Variants in RNF150 observed in about 807,000 individuals in gnomAD.
RNF150 encodes the protein ring finger protein 150.
RNF150 carries 24 observed loss-of-function variants against 39.3 expected under a neutral mutation model. That is an observed-to-expected ratio of 0.61 (90% CI 0.44 to 0.86). The LOEUF is 0.86. RNF150 is among the 40% of genes least tolerant of loss of function. The pLI, the probability that RNF150 is intolerant of heterozygous loss-of-function variation, is 0.00. For synonymous variants in RNF150, 255 were observed against 227.3 expected (o/e 1.12, Z -1.10); for missense variants, 502 against 587.8 (o/e 0.85, Z 1.51).
Position 140,860,221 on chromosome 4 carries a change from A to T in RNF150, c.*8040T>A, listed in dbSNP as rs2111157243. Reference sequence around the variant, plus strand: ...GTAGGGTAGGTGCCTGAGGTGGGGAAGAAGGAAAGAAATTTATACAGAAAA... The same window carrying T: ...GTAGGGTAGGTGCCTGAGGTGGGGATGAAGGAAAGAAATTTATACAGAAAA... On this transcript the variant is annotated 3_prime_UTR_variant, in exon 7 of 7. Coordinates refer to ENST00000515673, the MANE Select transcript of RNF150 (RefSeq NM_020724.2). 1 of 152,078 alleles carries T rather than the reference A, an allele frequency of 6.6e-6. No individual in the cohort carries two copies. The highest frequency in any genetic ancestry group is 1.5e-5 in the Non-Finnish European group (1 of 68,000). The allele number at this position is 152,078 out of a possible 1,614,324, so 9.4% of individuals were successfully genotyped here. A position where few individuals can be genotyped will look rare whatever the true frequency, so the allele number is the denominator to read the frequency against.
chr4:141,047,122 G>A (rs1736608108), intron 1 of RNF150, among the ~76,000 whole-genome samples: 1 of 152,080 alleles, frequency 6.6e-6, no homozygotes, highest in African/African-American at 2.4e-5. Context: ...TAATGCACAT[G>A]TGTGTATGTG....
At chr4:140,947,034 G>T (rs1030399374) in intron 4 of RNF150, among the ~76,000 whole-genome samples, 2 of 152,016 alleles carry the variant, frequency 1.3e-5, no homozygotes, top group Non-Finnish European at 1.5e-5. Flanking sequence ...ACTTCTCAGT[G>T]AATTTCAATT....
chr4:141,009,165 T>C (rs1004358219), intron 1 of RNF150, among the ~76,000 whole-genome samples: 3 of 152,148 alleles, frequency 2.0e-5, no homozygotes, highest in Non-Finnish European at 4.4e-5. Flanking sequence ...ATGAAACAAA[T>C]TGATCTAATC....
chr4:140,965,208 G>C (rs182515543), intron 2 of RNF150, among the ~76,000 whole-genome samples: 1 of 152,078 alleles, frequency 6.6e-6, no homozygotes, highest in Admixed American at 6.6e-5. Context: ...ACACCTGTTA[G>C]GACGTCTATC....
intron 6 of RNF150, among the ~76,000 whole-genome samples, chr4:140,906,155 G>C (rs189767459): frequency 4.7e-4 from 71 of 152,090 alleles, no homozygotes; most frequent in African/African-American, 1.6e-3. Context: ...AAAAATCTTG[G>C]GCCTGCTAGA....
intron 1 of RNF150, among the ~76,000 whole-genome samples, chr4:141,163,645 C>T (rs1188224938): frequency 6.6e-6 from 1 of 152,220 alleles, no homozygotes; most frequent in Admixed American, 6.5e-5. Context: ...GCCACTGCTG[C>T]TGATACCCAG....
At chr4:141,129,083 T>C (rs1281235314) in intron 1 of RNF150, among the ~76,000 whole-genome samples, 1 of 152,156 alleles carries the variant, frequency 6.6e-6, no homozygotes, top group East Asian at 1.9e-4. Flanking sequence ...GATTAAATCA[T>C]AGAGTTGCCA....
At chr4:140,986,129 A>C (rs1734006807) in intron 1 of RNF150, among the ~76,000 whole-genome samples, 2 of 152,128 alleles carry the variant, frequency 1.3e-5, no homozygotes, top group Admixed American at 1.3e-4. Context: ...TAGATTACTT[A>C]TATTAAATTA....
intron 6 of RNF150, among the ~76,000 whole-genome samples, chr4:140,890,749 G>A (rs1368233573): frequency 1.3e-5 from 2 of 152,176 alleles, no homozygotes; most frequent in South Asian, 4.1e-4. Context: ...AAGCCACCAG[G>A]TCTATGTTAT....
At chr4:141,090,359 C>T (rs6836846) in intron 1 of RNF150, among the ~76,000 whole-genome samples, 115,006 of 151,980 alleles carry the variant, frequency 0.76, 44,259 homozygotes, top group East Asian at 1. Context: ...ACTAATATGG[C>T]GGATAACTAA....
At chr4:141,072,207 G>T (rs1344972699) in intron 1 of RNF150, among the ~76,000 whole-genome samples, 1 of 152,074 alleles carries the variant, frequency 6.6e-6, no homozygotes, top group Non-Finnish European at 1.5e-5. Flanking sequence ...ATTGCAACAG[G>T]TTAAGTGTTT....
intron 2 of RNF150, among the ~76,000 whole-genome samples, chr4:140,953,051 G>A (rs1052534851): frequency 7.9e-5 from 12 of 152,154 alleles, no homozygotes; most frequent in Non-Finnish European, 1.0e-4. Flanking sequence ...AAGGATCTGT[G>A]TATCTAAACA....
intron 1 of RNF150, among the ~76,000 whole-genome samples, chr4:141,167,781 C>A (rs111297393): frequency 0.38 from 57,070 of 152,008 alleles, 13,104 homozygotes; most frequent in Non-Finnish European, 0.5. Context: ...ACACCTTATA[C>A]AAAAATTAAC....
At chr4:140,903,841 C>G (rs1730277704) in intron 6 of RNF150, among the ~76,000 whole-genome samples, 1 of 152,072 alleles carries the variant, frequency 6.6e-6, no homozygotes, top group South Asian at 2.1e-4. Flanking sequence ...GCTGAGTGCT[C>G]CAAGTAGCAA....
chr4:141,113,915 G>T (rs971628503), intron 1 of RNF150, among the ~76,000 whole-genome samples: 1 of 152,072 alleles, frequency 6.6e-6, no homozygotes, highest in Non-Finnish European at 1.5e-5. Flanking sequence ...TCTCCTGAAT[G>T]ACTACTGGGT....
chr4:141,000,029 G>GAAAAGAAGAAAAGAAGAA (rs1560679096), intron 1 of RNF150, among the ~76,000 whole-genome samples: 7 of 36,468 alleles, frequency 1.9e-4, no homozygotes, highest in South Asian at 2.5e-3. Flanking sequence ...AGAAGAAGAA[G>GAAAAGAAGAAAAGAAGAA]AAGAAGAAGA....
intron 2 of RNF150, among the ~76,000 whole-genome samples, chr4:140,964,021 A>C (rs1733141433): frequency 6.6e-6 from 1 of 152,102 alleles, no homozygotes; most frequent in Non-Finnish European, 1.5e-5. Context: ...AATGAAGAGA[A>C]ATATGTTCAC....
At chr4:140,985,446 T>A (rs1314248659) in intron 1 of RNF150, among the ~76,000 whole-genome samples, 5 of 152,128 alleles carry the variant, frequency 3.3e-5, no homozygotes, top group Non-Finnish European at 5.9e-5. Context: ...TTTTGGGTAT[T>A]AAAGAGAGAG....
chr4:141,089,367 GT>G (rs1738490155), intron 1 of RNF150, among the ~76,000 whole-genome samples: 3 of 152,260 alleles, frequency 2.0e-5, no homozygotes, highest in Non-Finnish European at 4.4e-5. Flanking sequence ...GGTACTTGTT[GT>G]TTAGAGGGGC....
Sources: allele counts gnomAD v4.1 joint callset (sites outside exome capture counted in the v4.1 genomes callset), GRCh38; gene constraint gnomAD v4.1.1; transcripts MANE v1.5; gene names NCBI Gene and HGNC (gene_info 2026-07-23, HGNC 2026-07-21).